The following DENND3 variants were observed in gnomAD, a reference collection of about 807,000 sequenced individuals.
DENND3 encodes the protein DENN domain containing 3.
DENND3 carries 88 observed loss-of-function variants against 135.1 expected under a neutral mutation model. That is an observed-to-expected ratio of 0.65 (90% CI 0.55 to 0.78). DENND3 has a LOEUF of 0.78. Among genes scored for constraint, DENND3 ranks in the 30% least tolerant of loss-of-function variants. DENND3 has a pLI of 0.00. For synonymous variants in DENND3, 693 were observed against 712.3 expected, an observed-to-expected ratio of 0.97 and a Z score of 0.43; for missense variants, 1,392 against 1,688.4, an observed-to-expected ratio of 0.82 and a Z score of 3.08.
rs993845800 is a variant in DENND3, at chr8:141,139,831, C to T, written c.502-1372C>T. On this transcript the variant is annotated intron_variant, in intron 3 of 22. Coordinates refer to ENST00000519811, the MANE Select transcript of DENND3 (RefSeq NM_001352890.3). The surrounding 1 kb of genome is among the most constrained non-coding windows in gnomAD (Gnocchi z 4.2). ...TGCCTTCCCAGCAGCTGTGTAGTTT[C>T]GGGGTATCCCCAGGTCCCACAGCAC... Among the ~76,000 whole-genome samples, 9 of 152,108 alleles carry T rather than the reference C, an allele frequency of 5.9e-5. No individual in the cohort carries two copies. Among genetic ancestry groups the T allele is most frequent in the Non-Finnish European group, 1.3e-4 (9 of 68,012 alleles).
rs992814799 is a variant in DENND3 at position 141,174,250 on chromosome 8, C to T, written c.2276-950C>T. On this transcript the variant is annotated intron_variant, in intron 13 of 22. Coordinates refer to ENST00000519811, the MANE Select transcript of DENND3 (RefSeq NM_001352890.3). This position sits in a 1 kb window ranked among gnomAD's most constrained non-coding sequence, Gnocchi z 4.6. ...CAGCCCTGAGTGTTAAACATGGGAG[C>T]GGGAACTCCTCTCTGCATTTGAGAA... Among the ~76,000 whole-genome samples, 2 of 152,090 alleles carry T rather than the reference C, an allele frequency of 1.3e-5. No homozygotes were observed. The highest frequency in any genetic ancestry group is 6.6e-5 in the Admixed American group (1 of 15,258).
Position 141,182,769 on chromosome 8 carries a change from T to C in DENND3, c.2944+1915T>C, listed in dbSNP as rs920660042. Among the ~76,000 whole-genome samples the C allele has an allele frequency of 6.6e-6, 1 of 152,160 alleles. No homozygotes were observed. The highest frequency in any genetic ancestry group is 1.5e-5 in the Non-Finnish European group (1 of 68,024). ...GCCCCATCAAGAAGGGGGAGTCTTGTTATTCCCATTAGCTTGGGGCTGGGT... is the reference window on the plus strand; with the variant it reads ...GCCCCATCAAGAAGGGGGAGTCTTGCTATTCCCATTAGCTTGGGGCTGGGT... On this transcript the variant is annotated intron_variant, in intron 17 of 22. Transcript: ENST00000519811. The surrounding 1 kb of genome is among the most constrained non-coding windows in gnomAD (Gnocchi z 5.9).
In DENND3 at chr8:141,130,311, C is replaced by T. The variant is rs367975271; in HGVS notation, c.102+1502C>T. Among the ~76,000 whole-genome samples the T allele has an allele frequency of 6.6e-6, 1 of 152,132 alleles. No individual in the cohort carries two copies. The highest frequency in any genetic ancestry group is 1.9e-4 in the East Asian group (1 of 5,194). On this transcript the variant is annotated intron_variant, in intron 1 of 22. Transcript: ENST00000519811. This position sits in a 1 kb window ranked among gnomAD's most constrained non-coding sequence, Gnocchi z 4.2. The stretch of plus-strand genomic sequence containing the variant: ...TCTCCAATTCCTGAGCTCAAGTGAT[C>T]CTCCCGCCTCAGCCTTTCAAAGTGC...
chr8:141,133,326 C>A (rs1351684323), intron 1 of DENND3, among the ~76,000 whole-genome samples: 2 of 152,106 alleles, frequency 1.3e-5, no homozygotes, highest in African/African-American at 4.8e-5. Context: ...CTGACTCATG[C>A]CCACGTATGA....
intron 8 of DENND3, among the ~76,000 whole-genome samples, chr8:141,156,564 A>C (rs559872370): frequency 6.6e-6 from 1 of 152,040 alleles, no homozygotes; most frequent in African/African-American, 2.4e-5. Flanking sequence ...TCATTCATTC[A>C]TTCACTCATT....
chr8:141,150,173 G>A (rs1818616706), intron 5 of DENND3: 3 of 426,448 alleles, frequency 7.0e-6, no homozygotes, highest in Non-Finnish European at 7.9e-6. Flanking sequence ...GGCCTCCCAC[G>A]TGCCAGCACC....
At chr8:141,145,838 TATATATATATATGTA>T (rs1488700697) in intron 5 of DENND3, among the ~76,000 whole-genome samples, 20 of 82,200 alleles carry the variant, frequency 2.4e-4, no homozygotes, top group African/African-American at 1.3e-3. Flanking sequence ...TATATATATA[TATATATATATATGTA>T]TTTTTTTTTT....
intron 2 of DENND3, 67 bp downstream of exon 2, chr8:141,136,858 A>G: frequency 6.9e-7 from 1 of 1,454,686 alleles, no homozygotes; most frequent in South Asian, 1.4e-5. Context: ...GTCTATTCCC[A>G]GAAACCCACA....
intron 7 of DENND3, among the ~76,000 whole-genome samples, chr8:141,152,473 T>C (rs1395453213): frequency 1.3e-5 from 2 of 152,084 alleles, no homozygotes; most frequent in African/African-American, 4.8e-5. Context: ...GGGAACAGAG[T>C]TGCTCCATGC....
chr8:141,171,889 CATGCACAGTGGGT>C (rs1821621539), intron 13 of DENND3, among the ~76,000 whole-genome samples: 1 of 149,246 alleles, frequency 6.7e-6, no homozygotes, highest in South Asian at 2.1e-4. Flanking sequence ...TGGTGATGGG[CATGCACAGTGGGT>C]GTGCACAGTG....
rs760493004 is a variant in DENND3, at chr8:141,141,265, C to T, written c.564C>T (p.Phe188=). ...AGTGTCCTGGCTGCTTCGTGCCCTTCGCGGTGTGCGTGGTCTCCAGGTTTC... is the reference window on the plus strand; with the variant it reads ...AGTGTCCTGGCTGCTTCGTGCCCTTTGCGGTGTGCGTGGTCTCCAGGTTTC... ...HRECPGCFVP[F]AVCVVSRFPY... Residue 188 remains phenylalanine (F), a synonymous_variant, in exon 4 of 23, where the codon TTC becomes TTT. Transcript: ENST00000519811. The surrounding 1 kb of genome is among the most constrained non-coding windows in gnomAD (Gnocchi z 5.3). The T allele has an allele frequency of 7.4e-6, 12 of 1,614,054 alleles. No individual in the cohort carries two copies. In the East Asian group the frequency reaches 1.1e-4, roughly 15 times the overall value.
At chr8:141,169,297 T>G (rs959770978) in intron 13 of DENND3, among the ~76,000 whole-genome samples, 1 of 152,284 alleles carries the variant, frequency 6.6e-6, no homozygotes, top group Non-Finnish European at 1.5e-5. Flanking sequence ...ACGGGTGTGG[T>G]TGGCGGGGCC....
chr8:141,182,489 T>G lies in DENND3; in HGVS notation c.2944+1635T>G. On this transcript the variant is annotated intron_variant, in intron 17 of 22. Transcript: ENST00000519811. The surrounding 1 kb of genome is among the most constrained non-coding windows in gnomAD (Gnocchi z 5.9). ...TTGACCGTGGCATTTGAATACATGG[T>G]ATTTTTAGGTCCCGGTTGGTTTCCC... is the stretch of plus-strand genomic sequence containing the variant. The G allele has an allele frequency of 1.0e-6, 1 of 985,432 alleles. No individual in the cohort carries two copies. Among genetic ancestry groups the G allele is most frequent in the Non-Finnish European group, 1.2e-6 (1 of 829,916 alleles). 61.0% of individuals were successfully genotyped at this position (985,432 alleles called of 1,614,324 possible).
At chr8:141,129,909 G>A (rs1469161774) in intron 1 of DENND3, 1 of 152,246 alleles carries the variant, frequency 6.6e-6, no homozygotes, top group East Asian at 1.9e-4. Context: ...TTCTCCTATG[G>A]AAATAGTTTC....
Position 141,141,426 on chromosome 8 carries a change from T to G in DENND3, c.623+102T>G. 1 of 1,266,490 alleles carries G rather than the reference T, an allele frequency of 7.9e-7. No individual in the cohort carries two copies. Among genetic ancestry groups the G allele is most frequent in the Non-Finnish European group, 1.1e-6 (1 of 923,282 alleles). The allele number at this position is 1,266,490 out of a possible 1,614,324, so 78.5% of individuals were successfully genotyped here. A position where few individuals can be genotyped will look rare whatever the true frequency, so the allele number is the denominator to read the frequency against. On this transcript the variant is annotated intron_variant, in intron 4 of 22. Transcript: ENST00000519811. This position sits in a 1 kb window ranked among gnomAD's most constrained non-coding sequence, Gnocchi z 5.3. ...GGGCTGGAGGTGGTGGGGGGGCAGC[T>G]CTCTGTTCCTCTCCTGGTGAGCCGG...
chr8:141,172,568 G>A (rs57258815), intron 13 of DENND3, among the ~76,000 whole-genome samples: 34,001 of 152,056 alleles, frequency 0.22, 3,891 homozygotes, highest in Non-Finnish European at 0.24. Context: ...TGCCCTGAGC[G>A]GCGCAAGGGG....
At chr8:141,159,281 G>A (rs933774910) in intron 8 of DENND3, among the ~76,000 whole-genome samples, 1 of 152,180 alleles carries the variant, frequency 6.6e-6, no homozygotes, top group African/African-American at 2.4e-5. Context: ...TCAGGCAGCG[G>A]CAGGGGCCTG....
chr8:141,166,740 G>T lies in DENND3; in HGVS notation c.1753+351G>T, dbSNP rs1483031329. Among the ~76,000 whole-genome samples the T allele has an allele frequency of 6.6e-6, 1 of 152,208 alleles. No individual in the cohort carries two copies. The highest frequency in any genetic ancestry group is 1.5e-5 in the Non-Finnish European group (1 of 68,038). On this transcript the variant is annotated intron_variant, in intron 12 of 22. Coordinates refer to ENST00000519811, the MANE Select transcript of DENND3 (RefSeq NM_001352890.3). The surrounding 1 kb of genome is among the most constrained non-coding windows in gnomAD (Gnocchi z 4.3). ...GTGATAGGAGGCAGGGAGCGCACCA[G>T]GCACTTTCTAGAGCCGGAGCTGTGA...
intron 9 of DENND3, among the ~76,000 whole-genome samples, chr8:141,163,004 G>A (rs1820332930): frequency 6.6e-6 from 1 of 152,234 alleles, no homozygotes; most frequent in African/African-American, 2.4e-5. Context: ...GAGTCTGGCT[G>A]CCCCTCTGGG....
Sources: allele counts gnomAD v4.1 joint callset (sites outside exome capture counted in the v4.1 genomes callset), GRCh38; gene constraint gnomAD v4.1.1; non-coding constraint Gnocchi (gnomAD v3.1); transcripts MANE v1.5; gene names NCBI Gene and HGNC (gene_info 2026-07-23, HGNC 2026-07-21).